Variants in EXOC6 observed in about 807,000 individuals in gnomAD.
EXOC6 encodes exocyst complex component 6, also known as SEC15-like 1.
Under a neutral mutation model 112.5 loss-of-function variants are expected in EXOC6, and 60 were observed. That is an observed-to-expected ratio of 0.53 (90% confidence interval 0.43 to 0.66). EXOC6 has a LOEUF of 0.66. Among genes scored for constraint, EXOC6 ranks in the 30% least tolerant of loss-of-function variants. EXOC6 has a pLI of 0.00. For missense variants in EXOC6, 855 were observed against 957.1 expected (o/e 0.89, Z 1.41); for synonymous variants, 295 against 308.0 (o/e 0.96, Z 0.44).
chr10:92,976,048 G>GA (rs957355931), intron 18 of EXOC6, among the ~76,000 whole-genome samples: 3 of 122,674 alleles, frequency 2.4e-5, no homozygotes, highest in Admixed American at 8.1e-5. Flanking sequence ...AGGGAGGTGG[G>GA]GGGGGGGGTC....
intron 12 of EXOC6, among the ~76,000 whole-genome samples, chr10:92,936,178 C>A (rs979040406): frequency 6.6e-6 from 1 of 151,988 alleles, no homozygotes. Flanking sequence ...TGGAAGGAAC[C>A]GTGAACTAGA....
At chr10:92,964,885 C>G (rs1394443296) in intron 17 of EXOC6, among the ~76,000 whole-genome samples, 2 of 152,298 alleles carry the variant, frequency 1.3e-5, no homozygotes, top group East Asian at 3.9e-4. Context: ...CAGCTCTAGG[C>G]TGTCTCAGTC....
At chr10:92,968,228 A>C (rs1358769290) in intron 17 of EXOC6, among the ~76,000 whole-genome samples, 1 of 146,002 alleles carries the variant, frequency 6.8e-6, no homozygotes, top group African/African-American at 2.5e-5. Flanking sequence ...TCTGTCACCC[A>C]GGCTGCAGTG....
intron 18 of EXOC6, among the ~76,000 whole-genome samples, chr10:92,983,201 T>G (rs1589973273): frequency 6.6e-6 from 1 of 152,208 alleles, no homozygotes. Flanking sequence ...AAATAAAGGT[T>G]GTTCTGTTTT....
rs768796988 is a variant in EXOC6, at chr10:92,899,630, G to A, written c.444G>A (p.Gln148=). 1.2e-6 allele frequency: 2 copies of A among 1,609,190 alleles called. No individual in the cohort carries two copies. Among genetic ancestry groups the A allele is most frequent in the East Asian group, 4.5e-5 (2 of 44,642 alleles). Residue 148 remains glutamine, a synonymous_variant, in exon 5 of 22, where the codon CAG becomes CAA. Transcript: ENST00000260762. ...VLEMYSKLKE[Q]MSAKRYYSAL... ...AAATGTACAGTAAGCTGAAAGAACAGATGAGTGCCAAAAGGTGAGTTGGTT... is the reference window on the plus strand; with the variant it reads ...AAATGTACAGTAAGCTGAAAGAACAAATGAGTGCCAAAAGGTGAGTTGGTT...
chr10:93,022,398 G>T (rs1416370502), intron 20 of EXOC6, among the ~76,000 whole-genome samples: 1 of 152,032 alleles, frequency 6.6e-6, no homozygotes, highest in Non-Finnish European at 1.5e-5. Context: ...GCAGTGGAAG[G>T]GATCAGTGGA....
chr10:92,980,660 A>G lies in EXOC6; in HGVS notation c.1953+6428A>G, dbSNP rs185039538. 1.0e-3 allele frequency among the ~76,000 whole-genome samples: 157 copies of G among 152,314 alleles called. 1 individual carries two copies. Among genetic ancestry groups the G allele is most frequent in the Non-Finnish European group, 4.1e-4 (28 of 68,028 alleles). On this transcript the variant is annotated intron_variant, in intron 18 of 21. Coordinates refer to ENST00000260762, the MANE Select transcript of EXOC6 (RefSeq NM_019053.6). ...TATAGCTTGAGTTGCAGTGCTTACA[A>G]TTGCTAACAGTCAGATGCTAGCTAA...
At chr10:92,834,579 A>T (rs1846600879), upstream of EXOC6, 1 of 545,058 alleles carries the variant, frequency 1.8e-6, no homozygotes, top group Non-Finnish European at 3.2e-6. Flanking sequence ...CTTTTATAGC[A>T]TGAAGTCAGA....
chr10:92,903,103 A>G (rs1850261246), intron 5 of EXOC6, among the ~76,000 whole-genome samples: 1 of 152,120 alleles, frequency 6.6e-6, no homozygotes, highest in Non-Finnish European at 1.5e-5. Flanking sequence ...ACACTTTTTA[A>G]GAAACCGTTA....
At chr10:93,003,372 C>T (rs868169500) in intron 19 of EXOC6, among the ~76,000 whole-genome samples, 1 of 151,946 alleles carries the variant, frequency 6.6e-6, no homozygotes, top group Non-Finnish European at 1.5e-5. Context: ...TGTTTTTGTT[C>T]GTTTTATTTT....
chr10:92,915,941 T>C, intron 7 of EXOC6, 28 bp downstream of exon 7: 1 of 1,455,634 alleles, frequency 6.9e-7, no homozygotes. Flanking sequence ...TTCTTTTCTA[T>C]TATTAGATAA....
intron 8 of EXOC6, among the ~76,000 whole-genome samples, chr10:92,926,062 A>C (rs969854740): frequency 8.6e-5 from 13 of 151,618 alleles, no homozygotes; most frequent in Admixed American, 1.3e-4. Context: ...TAAAAAAAAA[A>C]AAAAACAAAT....
rs77357209 is a variant in EXOC6 at position 93,058,094 on chromosome 10, T to C, written c.2283-129T>C. The C allele has an allele frequency of 6.0e-4, 452 of 757,860 alleles. No homozygotes were observed. In the African/African-American group the frequency reaches 7.5e-3, roughly 13 times the overall value. The allele number at this position is 757,860 out of a possible 1,614,324, so 46.9% of individuals were successfully genotyped here. A position where few individuals can be genotyped will look rare whatever the true frequency, so the allele number is the denominator to read the frequency against. The stretch of plus-strand genomic sequence containing the variant: ...CTGTATGTTTATTTAGTATCTACTT[T>C]CTTTGAACTATATTTTTCAAGCATA... On this transcript the variant is annotated intron_variant, in intron 21 of 21. Transcript: ENST00000260762.
At chr10:92,931,263 T>C (rs1249767771) in intron 9 of EXOC6, among the ~76,000 whole-genome samples, 5 of 151,504 alleles carry the variant, frequency 3.3e-5, no homozygotes, top group African/African-American at 9.7e-5. Flanking sequence ...AATAAACCAA[T>C]TTAAAAATGG....
At chr10:92,965,572 A>C (rs1318353272) in intron 17 of EXOC6, among the ~76,000 whole-genome samples, 2 of 152,202 alleles carry the variant, frequency 1.3e-5, no homozygotes, top group African/African-American at 4.8e-5. Context: ...TCTGGGTTCA[A>C]CTGTAGAACT....
chr10:92,937,640 T>C (rs1035200811), intron 12 of EXOC6, among the ~76,000 whole-genome samples: 6 of 152,154 alleles, frequency 3.9e-5, no homozygotes, highest in African/African-American at 7.2e-5. Context: ...GTTGTTTTCA[T>C]AAATTTTGTG....
intron 18 of EXOC6, among the ~76,000 whole-genome samples, chr10:92,984,641 C>T (rs1411900063): frequency 6.6e-6 from 1 of 152,006 alleles, no homozygotes; most frequent in Non-Finnish European, 1.5e-5. Flanking sequence ...CTATTTAAGT[C>T]TTTGCATATT....
chr10:92,983,399 C>G (rs1412970034), intron 18 of EXOC6, among the ~76,000 whole-genome samples: 2 of 151,998 alleles, frequency 1.3e-5, no homozygotes, highest in Non-Finnish European at 2.9e-5. Flanking sequence ...ATCTAGTGAG[C>G]CTGTGAAATA....
At chr10:92,856,091 T>G (rs60978227) in intron 1 of EXOC6, among the ~76,000 whole-genome samples, 1,577 of 152,246 alleles carry the variant, frequency 0.01, 31 homozygotes, top group African/African-American at 0.036. Flanking sequence ...CTTGAACTCC[T>G]GACCTCAGGT....
Sources: gnomAD v4.1 joint callset for allele counts (sites outside exome capture counted in the v4.1 genomes callset) on GRCh38, gnomAD v4.1.1 for gene constraint, MANE v1.5 for transcripts, NCBI Gene and HGNC (gene_info 2026-07-23, HGNC 2026-07-21) for gene names.